DCC: variants seen among roughly 807,000 people sequenced by gnomAD.
The protein encoded by DCC is DCC netrin 1 receptor.
DCC carries 58 observed loss-of-function variants against 172.5 expected under a neutral mutation model. The observed-to-expected ratio is 0.34, with a 90% CI of 0.27 to 0.42. The LOEUF is 0.42. Among genes scored for constraint, DCC ranks in the 10% least tolerant of loss-of-function variants. DCC has a pLI of 1.00. For synonymous variants in DCC, 709 were observed against 644.5 expected, an observed-to-expected ratio of 1.10 and a Z score of -1.52; for missense variants, 1,740 against 1,791.0, an observed-to-expected ratio of 0.97 and a Z score of 0.51.
intron 4 of DCC, among the ~76,000 whole-genome samples, chr18:52,924,336 C>T (rs144785953): frequency 1.5e-4 from 23 of 152,132 alleles, no homozygotes; most frequent in African/African-American, 5.3e-4. Flanking sequence ...GTCAACTGTA[C>T]TTCAATAAAG....
chr18:52,520,469 G>A (rs1230216582), intron 1 of DCC, among the ~76,000 whole-genome samples: 1 of 152,084 alleles, frequency 6.6e-6, no homozygotes, highest in Non-Finnish European at 1.5e-5. Context: ...AACCATTGTT[G>A]ATCATTAAAT....
rs550354849 is a variant in DCC, at chr18:52,400,719, AT to A, written c.91+59842del. On this transcript the variant is annotated intron_variant, in intron 1 of 28. Coordinates refer to ENST00000442544, the MANE Select transcript of DCC (RefSeq NM_005215.4). ...CAAATGCCCATCAGTGATAGACTGG[AT>A]AAAGAAAATGTGGCACATATACACC... 6.6e-5 allele frequency among the ~76,000 whole-genome samples: 10 copies of A among 152,256 alleles called. No homozygotes were observed. In the East Asian group the frequency reaches 1.9e-3, roughly 30 times the overall value.
intron 12 of DCC, among the ~76,000 whole-genome samples, chr18:53,271,210 G>A (rs1376141760): frequency 6.6e-6 from 1 of 152,106 alleles, no homozygotes; most frequent in Non-Finnish European, 1.5e-5. Flanking sequence ...ATTGAAGGGA[G>A]GTTTCCTAAG....
chr18:53,494,679 A>G (rs1007782589), intron 26 of DCC, among the ~76,000 whole-genome samples: 2 of 152,036 alleles, frequency 1.3e-5, no homozygotes, highest in South Asian at 4.1e-4. Context: ...ATCTTCCTCT[A>G]TCCCTTCATT....
At chr18:52,542,682 A>G (rs2032494349) in intron 1 of DCC, among the ~76,000 whole-genome samples, 1 of 152,112 alleles carries the variant, frequency 6.6e-6, no homozygotes, top group Admixed American at 6.6e-5. Flanking sequence ...CTAAAACTAC[A>G]AAAAAATTTA....
intron 12 of DCC, among the ~76,000 whole-genome samples, chr18:53,246,716 G>A (rs926400036): frequency 2.6e-5 from 4 of 152,072 alleles, no homozygotes; most frequent in Non-Finnish European, 5.9e-5. Context: ...TTTTTATATA[G>A]GTCATGAATA....
intron 9 of DCC, among the ~76,000 whole-genome samples, chr18:53,204,741 C>G (rs1260029288): frequency 1.3e-5 from 2 of 152,140 alleles, no homozygotes; most frequent in East Asian, 3.8e-4. Flanking sequence ...AAAACTCTGA[C>G]TTAAAGAAAG....
intron 19 of DCC, among the ~76,000 whole-genome samples, chr18:53,410,033 A>G (rs1196186210): frequency 1.3e-5 from 2 of 152,206 alleles, no homozygotes; most frequent in Non-Finnish European, 2.9e-5. Flanking sequence ...ATAGCATTTT[A>G]TACCTTCCAA....
intron 7 of DCC, among the ~76,000 whole-genome samples, chr18:53,066,396 T>TATAC (rs2042570965): frequency 7.8e-6 from 1 of 128,042 alleles, no homozygotes. Context: ...TATATATATA[T>TATAC]ATGTGCATGT....
chr18:52,955,799 T>G (rs1249388378), intron 5 of DCC, among the ~76,000 whole-genome samples: 2 of 152,118 alleles, frequency 1.3e-5, no homozygotes, highest in African/African-American at 4.8e-5. Flanking sequence ...TCAAATAACA[T>G]AACATATGAT....
At chr18:52,793,847 T>C (rs1242762188) in intron 2 of DCC, among the ~76,000 whole-genome samples, 1 of 152,238 alleles carries the variant, frequency 6.6e-6, no homozygotes, top group Non-Finnish European at 1.5e-5. Flanking sequence ...TTCATTCTTC[T>C]GCCTGTGAGC....
intron 2 of DCC, among the ~76,000 whole-genome samples, chr18:52,830,711 G>T (rs1221553110): frequency 6.6e-6 from 1 of 152,160 alleles, no homozygotes; most frequent in East Asian, 1.9e-4. Context: ...AATTGTAACT[G>T]TTAATGTGAA....
At chr18:53,090,934 T>C (rs2042998445) in intron 7 of DCC, among the ~76,000 whole-genome samples, 1 of 152,008 alleles carries the variant, frequency 6.6e-6, no homozygotes, top group South Asian at 2.1e-4. Context: ...GCATGTGTCC[T>C]GGGGTTCCTG....
intron 1 of DCC, among the ~76,000 whole-genome samples, chr18:52,737,901 G>A (rs112423746): frequency 0.019 from 2,952 of 152,204 alleles, 94 homozygotes; most frequent in African/African-American, 0.066. Context: ...ATGGCAGCTC[G>A]GAGCTTTGAT....
intron 1 of DCC, among the ~76,000 whole-genome samples, chr18:52,581,628 T>C (rs534681207): frequency 6.6e-6 from 1 of 152,126 alleles, no homozygotes; most frequent in Non-Finnish European, 1.5e-5. Flanking sequence ...TGCCTCTTTC[T>C]TACTACTGTT....
intron 2 of DCC, among the ~76,000 whole-genome samples, chr18:52,818,881 G>C (rs1260210040): frequency 6.6e-6 from 1 of 152,182 alleles, no homozygotes; most frequent in Non-Finnish European, 1.5e-5. Flanking sequence ...GATACAAAAA[G>C]TTAGAGACTT....
chr18:53,128,468 C>T (rs868597376), intron 7 of DCC, among the ~76,000 whole-genome samples: 12 of 151,988 alleles, frequency 7.9e-5, no homozygotes, highest in Middle Eastern at 3.2e-3. Flanking sequence ...CCTATCCTAA[C>T]GACAATAGTG....
chr18:52,814,822 C>T (rs1000643322), intron 2 of DCC, among the ~76,000 whole-genome samples: 16 of 152,060 alleles, frequency 1.1e-4, no homozygotes, highest in Non-Finnish European at 1.5e-5. Flanking sequence ...GCAAATTGTG[C>T]ATGATTCTCT....
At chr18:52,858,146 T>C (rs1420498438) in intron 2 of DCC, among the ~76,000 whole-genome samples, 1 of 152,238 alleles carries the variant, frequency 6.6e-6, no homozygotes. Context: ...ATTTACTGCA[T>C]ACAGCAATCA....
Sources: allele counts gnomAD v4.1 joint callset (sites outside exome capture counted in the v4.1 genomes callset), GRCh38; gene constraint gnomAD v4.1.1; transcripts MANE v1.5; gene names NCBI Gene and HGNC (gene_info 2026-07-23, HGNC 2026-07-21).